The following VDR variants were observed in gnomAD, a reference collection of about 807,000 sequenced individuals.
VDR encodes the protein vitamin D receptor, also known as vitamin D3 receptor.
Under a neutral mutation model 39.7 loss-of-function variants are expected in VDR, and 19 were observed. The observed-to-expected ratio is 0.48, with a 90% CI of 0.33 to 0.70. The LOEUF (loss-of-function observed/expected upper bound fraction) is 0.70, where lower values mean the gene tolerates loss of function less well. VDR is among the 30% of genes least tolerant of loss of function. The pLI is 0.02. For missense variants in VDR, 442 were observed against 570.5 expected (o/e 0.77, Z 2.29); for synonymous variants, 242 against 215.8 (o/e 1.12, Z -1.07).
chr12:47,903,985 C>A (rs1356158868), intron 1 of VDR, among the ~76,000 whole-genome samples: 1 of 152,020 alleles, frequency 6.6e-6, no homozygotes, highest in Non-Finnish European at 1.5e-5. Context: ...AGAGCTTCTG[C>A]AATGCTCAGA....
At chr12:47,855,519 A>AAAAAAAT in intron 7 of VDR, 111 bp downstream of exon 7, 1 of 1,337,808 alleles carries the variant, frequency 7.5e-7, no homozygotes. Flanking sequence ...GATGCCGTTT[A>AAAAAAAT]AAAAAATAAA....
At chr12:47,904,787 T>A in intron 1 of VDR, 168 bp downstream of exon 1, 1 of 681,054 alleles carries the variant, frequency 1.5e-6, no homozygotes, top group Non-Finnish European at 2.5e-6. Context: ...CAGTGCCCCT[T>A]AGTGTCCCAG....
intron 2 of VDR, among the ~76,000 whole-genome samples, chr12:47,881,102 GTGTA>G (rs1946141125): frequency 4.9e-5 from 5 of 102,964 alleles, no homozygotes; most frequent in African/African-American, 1.3e-4. Context: ...GTGTGTGTGT[GTGTA>G]TATATATATA....
chr12:47,848,427 T>G (rs558605966), intron 7 of VDR, among the ~76,000 whole-genome samples: 9 of 152,252 alleles, frequency 5.9e-5, no homozygotes, highest in African/African-American at 1.7e-4. Flanking sequence ...TGTTTTCCAC[T>G]GGAGCCCCGC....
chr12:47,886,338 C>A (rs546688866), intron 1 of VDR, among the ~76,000 whole-genome samples: 1 of 152,290 alleles, frequency 6.6e-6, no homozygotes, highest in South Asian at 2.1e-4. Context: ...CATGACCTAC[C>A]TAACTTTTTG....
In VDR at chr12:47,857,543, C is replaced by T. The variant is rs776080166; in HGVS notation, c.423G>A (p.Lys141=). 1 of 1,614,218 alleles carries T rather than the reference C, an allele frequency of 6.2e-7. No homozygotes were observed. Reference sequence around the variant, plus strand: ...AGTCGGAGTAGGTGGGGTCGTAGGTCTTATGGTGGGCGTCCAGCAGTATGG... The same window carrying T: ...AGTCGGAGTAGGTGGGGTCGTAGGTTTTATGGTGGGCGTCCAGCAGTATGG... ...IIAILLDAHH[K]TYDPTYSDFC... Residue 141 remains lysine, a synonymous_variant, in exon 5 of 10, where the codon AAG becomes AAA. Coordinates refer to ENST00000549336, the MANE Select transcript of VDR (RefSeq NM_000376.3).
intron 4 of VDR, 44 bp downstream of exon 4, chr12:47,865,003 A>G: frequency 1.9e-6 from 3 of 1,609,758 alleles, no homozygotes; most frequent in Non-Finnish European, 2.5e-6. Context: ...CCTTTCCCTG[A>G]CTCCACTTCA....
rs550642761 is a variant in VDR, at chr12:47,891,168, T to C, written c.-83-8394A>G. Among the ~76,000 whole-genome samples, 40 of 152,308 alleles carry C rather than the reference T, an allele frequency of 2.6e-4. 1 individual carries two copies. In the South Asian group the frequency reaches 7.0e-3, roughly 27 times the overall value. On this transcript the variant is annotated intron_variant, in intron 1 of 9. Transcript: ENST00000549336. ...GACCCCTTGCCTTTGTCCAGCTACCTGGGCCAGCCTGATGCCCCTGGCCAC... is the reference window on the plus strand; with the variant it reads ...GACCCCTTGCCTTTGTCCAGCTACCCGGGCCAGCCTGATGCCCCTGGCCAC...
Position 47,843,951 on chromosome 12 carries a change from G to GC in VDR, c.*794dup, listed in dbSNP as rs1945220287. The GC allele has an allele frequency of 9.0e-6, 1 of 110,586 alleles. No individual in the cohort carries two copies. Among genetic ancestry groups the GC allele is most frequent in the African/African-American group, 3.2e-5 (1 of 30,854 alleles). The allele number at this position is 110,586 out of a possible 1,614,324, so 6.9% of individuals were successfully genotyped here. A position where few individuals can be genotyped will look rare whatever the true frequency, so the allele number is the denominator to read the frequency against. ...CTCCTGGGCAGGAGGTAAGGCACTG[G>GC]CAGGGGGAGGACGAGGTCGGCAGGT... On this transcript the variant is annotated 3_prime_UTR_variant, in exon 10 of 10. Transcript: ENST00000549336.
At chr12:47,886,411 C>T (rs1178705849) in intron 1 of VDR, among the ~76,000 whole-genome samples, 2 of 152,132 alleles carry the variant, frequency 1.3e-5, no homozygotes, top group African/African-American at 4.8e-5. Context: ...AAGGTGATAC[C>T]CTCTCTTTCT....
intron 1 of VDR, among the ~76,000 whole-genome samples, chr12:47,885,538 T>C (rs1291671629): frequency 6.6e-6 from 1 of 152,250 alleles, no homozygotes; most frequent in Non-Finnish European, 1.5e-5. Flanking sequence ...AAGTCCCTCA[T>C]GGCTCAGTTT....
In VDR at chr12:47,844,849, T is replaced by C. The variant is rs1565605474; in HGVS notation, c.1181A>G (p.Asn394Ser). The C allele has an allele frequency of 1.2e-6, 2 of 1,614,162 alleles. No homozygotes were observed. Among genetic ancestry groups the C allele is most frequent in the South Asian group, 1.1e-5 (1 of 91,086 alleles). The part of the protein sequence containing the change: ...IQKLADLRSL[N>S]EEHSKQYRCL... Reference sequence around the variant, plus strand: ...GCGGTACTGCTTGGAGTGCTCCTCATTGAGGCTGCGCAGGTCGGCTAGCTT... The same window carrying C: ...GCGGTACTGCTTGGAGTGCTCCTCACTGAGGCTGCGCAGGTCGGCTAGCTT... Residue 394 changes from asparagine (N) to serine (S), a missense_variant, in exon 10 of 10, where the codon AAT becomes AGT. Around this residue, in one of 5 missense-constraint regions of VDR, gnomAD observed 173 missense variants for 252.0 expected, o/e 0.69. Transcript: ENST00000549336.
chr12:47,851,371 A>T (rs1309541110), intron 7 of VDR, among the ~76,000 whole-genome samples: 1 of 151,982 alleles, frequency 6.6e-6, no homozygotes, highest in Non-Finnish European at 1.5e-5. Flanking sequence ...ATGGGAGGAG[A>T]GAGCAGGCCA....
At chr12:47,900,989 A>G (rs1239490305) in intron 1 of VDR, among the ~76,000 whole-genome samples, 1 of 152,128 alleles carries the variant, frequency 6.6e-6, no homozygotes, top group East Asian at 1.9e-4. Context: ...CATGACACAC[A>G]TTCCAACTCA....
chr12:47,882,770 G>A lies in VDR; in HGVS notation c.-79C>T, dbSNP rs1329557972. ...GTCTCACAGACACTTCAGACCCAAA[G>A]GCTTCTGAAATGAAGAAGGGGAAAC... On this transcript the variant is annotated 5_prime_UTR_variant, in exon 2 of 10. Coordinates refer to ENST00000549336, the MANE Select transcript of VDR (RefSeq NM_000376.3). The A allele has an allele frequency of 3.3e-6, 5 of 1,534,838 alleles. No individual in the cohort carries two copies. Among genetic ancestry groups the A allele is most frequent in the Non-Finnish European group, 4.4e-6 (5 of 1,146,380 alleles).
At chr12:47,853,540 G>A (rs1775564865) in intron 7 of VDR, among the ~76,000 whole-genome samples, 1 of 151,960 alleles carries the variant, frequency 6.6e-6, no homozygotes, top group Non-Finnish European at 1.5e-5. Flanking sequence ...ATCACCTGAG[G>A]TCAGTAGTTC....
At chr12:47,879,489 A>G (rs1947207723) in intron 2 of VDR, among the ~76,000 whole-genome samples, 1 of 152,158 alleles carries the variant, frequency 6.6e-6, no homozygotes, top group Non-Finnish European at 1.5e-5. Flanking sequence ...TGCTACTGGC[A>G]CTAGCTCTGC....
chr12:47,886,324 A>G (rs1379830785), intron 1 of VDR, among the ~76,000 whole-genome samples: 1 of 152,198 alleles, frequency 6.6e-6, no homozygotes, highest in Non-Finnish European at 1.5e-5. Context: ...AGTGCTAAGC[A>G]CTGCATGACC....
At position 47,879,022 on chromosome 12, in the gene VDR, G is replaced by A. The variant is rs1946076344; in HGVS notation, c.92C>T (p.Ala31Val). 5.6e-6 allele frequency: 9 copies of A among 1,614,182 alleles called. No homozygotes were observed. Among genetic ancestry groups the A allele is most frequent in the Non-Finnish European group, 7.6e-6 (9 of 1,180,016 alleles). ...PRICGVCGDRATGFHFNAMTC... is the reference protein window; with the variant it reads ...PRICGVCGDRVTGFHFNAMTC... ...CATAGCATTGAAGTGAAAGCCAGTG[G>A]CTCGGTCTCCACACACCCCACAGAT... The change falls in exon 3 of 10, where the codon GCC becomes GTC. Residue 31 changes from alanine (A) to valine (V), a missense_variant. Transcript: ENST00000549336.
Sources: gnomAD v4.1 joint callset for allele counts (sites outside exome capture counted in the v4.1 genomes callset) on GRCh38, gnomAD v4.1.1 for gene constraint, gnomAD v4.1.1 regional missense constraint, MANE v1.5 for transcripts, NCBI Gene and HGNC (gene_info 2026-07-23, HGNC 2026-07-21) for gene names.